Variants in DPCD observed in about 807,000 individuals in gnomAD.
DPCD encodes the protein deleted in primary ciliary dyskinesia homolog (mouse).
A neutral mutation model predicts 26.4 loss-of-function variants in DPCD; 20 were observed. The ratio of observed to expected loss-of-function variants is 0.76; its 90% confidence interval spans 0.53 to 1.10. The LOEUF (loss-of-function observed/expected upper bound fraction) is 1.10, where lower values mean the gene tolerates loss of function less well. Ranked by LOEUF, DPCD falls within the 50% of genes least tolerant of loss-of-function variation. The pLI is 0.00. For synonymous variants in DPCD, 97 were observed against 94.2 expected, an observed-to-expected ratio of 1.03 and a Z score of -0.17; for missense variants, 202 against 253.9, an observed-to-expected ratio of 0.80 and a Z score of 1.39.
chr10:101,599,702 A>G (rs562726277), intron 2 of DPCD, among the ~76,000 whole-genome samples: 2 of 152,354 alleles, frequency 1.3e-5, no homozygotes, highest in East Asian at 3.9e-4. Flanking sequence ...TCCTACCTGG[A>G]AAAAGACACA....
At position 101,594,666 on chromosome 10, in the gene DPCD, A is replaced by G. The variant is rs2063636714; in HGVS notation, c.73A>G (p.Lys25Glu). The G allele has an allele frequency of 6.2e-7, 1 of 1,614,168 alleles. No individual in the cohort carries two copies. The highest frequency in any genetic ancestry group is 2.2e-5 in the East Asian group (1 of 44,894). The change falls in exon 2 of 6, where the codon AAG (lysine) becomes GAG (glutamate). Residue 25 changes from lysine (K) to glutamate (E), a missense_variant. By Grantham distance (56) the Lys-to-Glu change is moderately conservative (BLOSUM62 1). Around this residue, in one of 3 missense-constraint regions of DPCD, gnomAD observed 47 missense variants for 32.8 expected, o/e 1.43. Transcript: ENST00000370151. The stretch of plus-strand genomic sequence containing the variant: ...CTCTGTTTTGTGCATAGGGAGAAGG[A>G]AGGTTCACTATTTATTCCCAGACGG... The part of the protein sequence containing the change: ...KTALLQDGRR[K>E]VHYLFPDGKE...
At chr10:101,592,175 G>C (rs1246748502) in intron 1 of DPCD, among the ~76,000 whole-genome samples, 1 of 152,150 alleles carries the variant, frequency 6.6e-6, no homozygotes, top group Non-Finnish European at 1.5e-5. Flanking sequence ...GATGCTCTGA[G>C]TGCAACTTCT....
chr10:101,594,788 A>G, intron 2 of DPCD, 50 bp downstream of exon 2: 1 of 1,555,640 alleles, frequency 6.4e-7, no homozygotes, highest in Non-Finnish European at 8.9e-7. Flanking sequence ...TGGGGCTGAC[A>G]TAAGCACAAT....
intron 1 of DPCD, among the ~76,000 whole-genome samples, chr10:101,590,671 T>TAGGCTCATGTAGTCCTCCC (rs1171796209): frequency 6.6e-6 from 1 of 150,818 alleles, no homozygotes; most frequent in Admixed American, 6.6e-5. Context: ...CTTGAACTCC[T>TAGGCTCATGTAGTCCTCCC]AGGCTCATGT....
At chr10:101,602,058 C>G (rs1397489384) in intron 4 of DPCD, among the ~76,000 whole-genome samples, 1 of 152,172 alleles carries the variant, frequency 6.6e-6, no homozygotes, top group Non-Finnish European at 1.5e-5. Flanking sequence ...GAACAATGCC[C>G]TGTGTGAGGC....
chr10:101,591,314 T>A (rs1170951567), intron 1 of DPCD, among the ~76,000 whole-genome samples: 1 of 152,240 alleles, frequency 6.6e-6, no homozygotes, highest in Non-Finnish European at 1.5e-5. Flanking sequence ...GTCCCTGCTT[T>A]CACTGTTTTT....
At position 101,603,430 on chromosome 10, in the gene DPCD, A is replaced by T. The variant is rs1168950074; in HGVS notation, c.404+2094A>T. ...ACAGCCTGCATAGACATTCTTTTTT[A>T]TTTTTATTTTTATTTATTTATTTTT... On this transcript the variant is annotated intron_variant, in intron 4 of 5. Transcript: ENST00000370151. This position sits in a 1 kb window ranked among gnomAD's most constrained non-coding sequence, Gnocchi z 4.6. Among the ~76,000 whole-genome samples the T allele has an allele frequency of 6.6e-6, 1 of 151,166 alleles. No homozygotes were observed. The highest frequency in any genetic ancestry group is 1.9e-4 in the East Asian group (1 of 5,166).
At chr10:101,604,046 A>G (rs1426004657) in intron 4 of DPCD, among the ~76,000 whole-genome samples, 1 of 152,204 alleles carries the variant, frequency 6.6e-6, no homozygotes, top group African/African-American at 2.4e-5. Flanking sequence ...ATGAGCCACC[A>G]CACCCAGACC....
chr10:101,602,361 C>T (rs2134774422), intron 4 of DPCD, among the ~76,000 whole-genome samples: 1 of 152,290 alleles, frequency 6.6e-6, no homozygotes, highest in South Asian at 2.1e-4. Context: ...CAGGGTAGCT[C>T]CCAGACTCCC....
chr10:101,594,803 A>G, intron 2 of DPCD, 65 bp downstream of exon 2: 1 of 1,465,688 alleles, frequency 6.8e-7, no homozygotes, highest in Non-Finnish European at 9.6e-7. Context: ...CACAATGAAC[A>G]CTCCTAGCCT....
intron 4 of DPCD, among the ~76,000 whole-genome samples, chr10:101,605,997 G>C (rs1196405961): frequency 2.6e-5 from 4 of 152,208 alleles, no homozygotes; most frequent in African/African-American, 9.6e-5. Context: ...ACCTGGCACA[G>C]AATAAGCTCT....
intron 1 of DPCD, 57 bp from the exon 2 acceptor site, chr10:101,594,601 G>T: frequency 1.3e-6 from 2 of 1,569,044 alleles, no homozygotes; most frequent in South Asian, 1.1e-5. Flanking sequence ...CCCTTGATCT[G>T]CAAGGGACAG....
At chr10:101,588,652 C>A (rs973959697) in intron 1 of DPCD, 13 of 1,321,828 alleles carry the variant, frequency 9.8e-6, no homozygotes, top group Non-Finnish European at 1.1e-5. Flanking sequence ...ATAGTAATTT[C>A]TTTTACATTC....
chr10:101,597,581 C>A (rs1001680483), intron 2 of DPCD, among the ~76,000 whole-genome samples: 5 of 152,166 alleles, frequency 3.3e-5, no homozygotes, highest in Admixed American at 2.0e-4. Context: ...TAGGAAAAAG[C>A]CCCCAGGCGC....
rs1334769770 is a variant in DPCD, at chr10:101,589,793, A to C, written c.64+1393A>C. On this transcript the variant is annotated intron_variant, in intron 1 of 5. Transcript: ENST00000370151. The stretch of plus-strand genomic sequence containing the variant: ...CAGCTACTCTGGAGGCTGAGGCAGG[A>C]GAATCGCTTGAACCCGGGAGATGGA... Among the ~76,000 whole-genome samples, 8 of 152,212 alleles carry C rather than the reference A, an allele frequency of 5.3e-5. No individual in the cohort carries two copies. In the East Asian group the frequency reaches 1.3e-3, roughly 26 times the overall value.
rs996091942 is a variant in DPCD, at chr10:101,603,399, G to T, written c.404+2063G>T. Among the ~76,000 whole-genome samples, 1 of 152,012 alleles carries T rather than the reference G, an allele frequency of 6.6e-6. No individual in the cohort carries two copies. Among genetic ancestry groups the T allele is most frequent in the Non-Finnish European group, 1.5e-5 (1 of 67,998 alleles). ...GAAGGGAGAGATTTATTTCTCATCA[G>T]GGGTTACAGCCTGCATAGACATTCT... On this transcript the variant is annotated intron_variant, in intron 4 of 5. Transcript: ENST00000370151. This position sits in a 1 kb window ranked among gnomAD's most constrained non-coding sequence, Gnocchi z 4.6.
At chr10:101,588,672 T>G (rs1181681039) in intron 1 of DPCD, 5 of 1,258,986 alleles carry the variant, frequency 4.0e-6, no homozygotes, top group Non-Finnish European at 5.0e-6. Flanking sequence ...CATTATCTCA[T>G]TTGCTCCTCA....
intron 4 of DPCD, among the ~76,000 whole-genome samples, chr10:101,602,159 T>C (rs969676072): frequency 2.6e-5 from 4 of 152,240 alleles, no homozygotes; most frequent in Non-Finnish European, 5.9e-5. Context: ...GATTTGGGCA[T>C]TGAGATGGGA....
intron 1 of DPCD, among the ~76,000 whole-genome samples, chr10:101,588,921 T>C (rs1484568800): frequency 6.6e-6 from 1 of 152,230 alleles, no homozygotes; most frequent in Non-Finnish European, 1.5e-5. Context: ...TGTAATATTT[T>C]TGTTAAGTGA....
Sources: allele counts gnomAD v4.1 joint callset (sites outside exome capture counted in the v4.1 genomes callset), GRCh38; gene constraint gnomAD v4.1.1; regional missense constraint gnomAD v4.1.1; non-coding constraint Gnocchi (gnomAD v3.1); transcripts MANE v1.5; gene names NCBI Gene and HGNC (gene_info 2026-07-23, HGNC 2026-07-21).